BUB1: variants seen among roughly 807,000 people sequenced by gnomAD.
The protein encoded by BUB1 is BUB1 mitotic checkpoint serine/threonine kinase, also known as mitotic checkpoint serine/threonine-protein kinase BUB1.
Under a neutral mutation model 135.2 loss-of-function variants are expected in BUB1, and 84 were observed. That is an observed-to-expected ratio of 0.62 (90% CI 0.52 to 0.74). The LOEUF (loss-of-function observed/expected upper bound fraction) is 0.74, where lower values mean the gene tolerates loss of function less well. Ranked by LOEUF, BUB1 falls within the 30% of genes least tolerant of loss-of-function variation. BUB1 has a pLI of 0.00. For missense variants in BUB1, 1,162 were observed against 1,288.3 expected, an observed-to-expected ratio of 0.90 and a Z score of 1.50; for synonymous variants, 403 against 434.4, an observed-to-expected ratio of 0.93 and a Z score of 0.90.
chr2:110,646,357 G>A (rs1689647042), intron 19 of BUB1, among the ~76,000 whole-genome samples: 1 of 148,440 alleles, frequency 6.7e-6, no homozygotes, highest in Non-Finnish European at 1.5e-5. Flanking sequence ...AAAAGAAGGG[G>A]AGGGGAGGGG....
At position 110,655,886 on chromosome 2, in the gene BUB1, C is replaced by T; in HGVS notation, c.1729G>A (p.Asp577Asn). 1.2e-6 allele frequency: 2 copies of T among 1,613,342 alleles called. No individual in the cohort carries two copies. The highest frequency in any genetic ancestry group is 1.7e-6 in the Non-Finnish European group (2 of 1,179,536). The stretch of plus-strand genomic sequence containing the variant: ...CGAATACCCCATACAGTTGAGTCAT[C>T]CAAAAACTCTTCAGCATGAGGCACT... ...EEVPHAEEFL[D>N]DSTVWGIRCN... The change falls in exon 16 of 25, where the codon GAT becomes AAT. Residue 577 changes from aspartate to asparagine, a missense_variant. By Grantham distance (23) the Asp-to-Asn change is conservative. Coordinates refer to ENST00000302759, the MANE Select transcript of BUB1 (RefSeq NM_004336.5).
chr2:110,672,984 C>T, intron 3 of BUB1, 127 bp from the exon 4 acceptor site: 1 of 926,088 alleles, frequency 1.1e-6, no homozygotes, highest in South Asian at 2.2e-5. Flanking sequence ...TCAGCAAAAC[C>T]AAGGCAGGTT....
At chr2:110,655,673 T>A in intron 16 of BUB1, 66 bp downstream of exon 16, 1 of 1,377,842 alleles carries the variant, frequency 7.3e-7, no homozygotes, top group Non-Finnish European at 9.8e-7. Context: ...AGAATCAAAC[T>A]TCATGAAGAA....
At chr2:110,654,543 C>T (rs376727444) in intron 16 of BUB1, among the ~76,000 whole-genome samples, 63 of 151,992 alleles carry the variant, frequency 4.1e-4, no homozygotes, top group East Asian at 1.9e-3. Flanking sequence ...AGCCAAAGTG[C>T]CAAATACTCT....
At position 110,667,647 on chromosome 2, in the gene BUB1, A is replaced by T. The variant is rs766885569; in HGVS notation, c.679T>A (p.Ser227Thr). ...SEYSVHSSLA[S>T]KVDVEQVVMY... ...ACAACCTGCTCAACATCAACTTTGG[A>T]TGCCAAAGATGAGTGCACAGAATAT... Residue 227 changes from serine to threonine, a missense_variant, in exon 8 of 25, where the codon TCC (serine) becomes ACC (threonine). Transcript: ENST00000302759. The T allele has an allele frequency of 1.2e-6, 2 of 1,613,992 alleles. No homozygotes were observed.
At chr2:110,677,397 CA>C (rs1309389412) in intron 1 of BUB1, among the ~76,000 whole-genome samples, 3 of 152,186 alleles carry the variant, frequency 2.0e-5, no homozygotes, top group African/African-American at 7.2e-5. Context: ...TCATCTAAGT[CA>C]TAAAACAAAG....
chr2:110,661,341 A>G, intron 10 of BUB1: 2 of 485,364 alleles, frequency 4.1e-6, no homozygotes. Context: ...ACTTTCAGGT[A>G]CTGAAAATTT....
At position 110,650,620 on chromosome 2, in the gene BUB1, T is replaced by G. The variant is rs753199863; in HGVS notation, c.2129A>C (p.Asp710Ala). Residue 710 changes from aspartate to alanine, a missense_variant, in exon 18 of 25, where the codon GAT (aspartate) becomes GCT (alanine). Transcript: ENST00000302759. ...LTDTDAAIAEDPPDAIAGLQA... is the reference protein window; with the variant it reads ...LTDTDAAIAEAPPDAIAGLQA... ...GAGCCCAGCAATAGCATCTGGTGGA[T>G]CTTCTGCAATGGCAGCGTCAGTGTC... 6.2e-7 allele frequency: 1 copy of G among 1,613,966 alleles called. No individual in the cohort carries two copies. Among genetic ancestry groups the G allele is most frequent in the Non-Finnish European group, 8.5e-7 (1 of 1,179,952 alleles).
chr2:110,655,192 T>C (rs1476539669), intron 16 of BUB1, among the ~76,000 whole-genome samples: 1 of 152,212 alleles, frequency 6.6e-6, no homozygotes, highest in African/African-American at 2.4e-5. Flanking sequence ...GGACTACTTG[T>C]GAGTTTTATC....
chr2:110,648,257 T>TTAAATGCA lies in BUB1; in HGVS notation c.2347+969_2347+976dup, dbSNP rs1163234525. ...AATCATGAAATGACACAAGGGAACC[T>TTAAATGCA]TAAATGCATATTGCTAAGTAAAAGA... On this transcript the variant is annotated intron_variant, in intron 19 of 24. Coordinates refer to ENST00000302759, the MANE Select transcript of BUB1 (RefSeq NM_004336.5). The surrounding 1 kb of genome is among the most constrained non-coding windows in gnomAD (Gnocchi z 4.2). Among the ~76,000 whole-genome samples, 1 of 151,242 alleles carries TTAAATGCA rather than the reference T, an allele frequency of 6.6e-6. No homozygotes were observed.
chr2:110,640,175 G>A (rs1689465551), intron 23 of BUB1, among the ~76,000 whole-genome samples: 1 of 152,052 alleles, frequency 6.6e-6, no homozygotes, highest in African/African-American at 2.4e-5. Flanking sequence ...TCACTCCCCT[G>A]GGACTCTGGT....
intron 18 of BUB1, 41 bp from the exon 19 acceptor site, chr2:110,649,418 T>C: frequency 6.6e-7 from 1 of 1,515,140 alleles, no homozygotes; most frequent in Non-Finnish European, 8.8e-7. Flanking sequence ...GGAACATGAA[T>C]TGAGTACTCA....
chr2:110,649,304 A>C lies in BUB1; in HGVS notation c.2277T>G (p.Ser759Arg). 1 of 1,612,616 alleles carries C rather than the reference A, an allele frequency of 6.2e-7. No homozygotes were observed. The highest frequency in any genetic ancestry group is 1.7e-5 in the Admixed American group (1 of 59,912). ...GCCATTCAAAAGTATTTGGATAGGA[A>C]CTCACTGGTTTAGAAAGCCCAGATA... The part of the protein sequence containing the change: ...KLLSGLSKPV[S>R]SYPNTFEWQC... Residue 759 changes from serine (S) to arginine (R), a missense_variant, in exon 19 of 25, where the codon AGT becomes AGG. By Grantham distance (110) the Ser-to-Arg change is moderately radical (BLOSUM62 -1). Transcript: ENST00000302759.
intron 23 of BUB1, 97 bp from the exon 24 acceptor site, chr2:110,639,945 C>T: frequency 1.0e-6 from 1 of 993,228 alleles, no homozygotes; most frequent in Non-Finnish European, 1.6e-6. Flanking sequence ...TAAATACTCA[C>T]AGGATTTTAC....
chr2:110,657,639 A>G lies in BUB1; in HGVS notation c.1523T>C (p.Val508Ala). 1.9e-6 allele frequency: 3 copies of G among 1,572,782 alleles called. No homozygotes were observed. Among genetic ancestry groups the G allele is most frequent in the Non-Finnish European group, 2.6e-6 (3 of 1,159,204 alleles). Residue 508 changes from valine to alanine, a missense_variant, in exon 14 of 25, where the codon GTA becomes GCA. By Grantham distance (64) the Val-to-Ala change is moderately conservative. Coordinates refer to ENST00000302759, the MANE Select transcript of BUB1 (RefSeq NM_004336.5). ...DAFEAQFQKN[V>A]RSSGAWGVNK... ...GACTCCCCAAGCCCCAGATGACCTT[A>G]CATTTTCTGCAACAGAATAAAAAAT...
At position 110,641,376 on chromosome 2, in the gene BUB1, A is replaced by G. The variant is rs1689500604; in HGVS notation, c.2714T>C (p.Ile905Thr). ...ISFAMRMLYM[I>T]EQVHDCEIIH... Reference sequence around the variant, plus strand: ...GATTTCACAGTCATGCACTTGCTCAATCATGTAAAGCATTCTCATAGCAAA... The same window carrying G: ...GATTTCACAGTCATGCACTTGCTCAGTCATGTAAAGCATTCTCATAGCAAA... The change falls in exon 22 of 25, where the codon ATT (isoleucine) becomes ACT (threonine). Residue 905 changes from isoleucine to threonine, a missense_variant. By Grantham distance (89) the Ile-to-Thr change is moderately conservative (BLOSUM62 -1). Coordinates refer to ENST00000302759, the MANE Select transcript of BUB1 (RefSeq NM_004336.5). 1.9e-6 allele frequency: 3 copies of G among 1,613,962 alleles called. No homozygotes were observed. The highest frequency in any genetic ancestry group is 2.2e-5 in the East Asian group (1 of 44,892).
chr2:110,661,672 G>A lies in BUB1; in HGVS notation c.1127C>T (p.Pro376Leu), dbSNP rs755870313. The part of the protein sequence containing the change: ...ANAISAALVS[P>L]ATSQSIAPPV... Reference sequence around the variant, plus strand: ...AGGAGCAATGCTCTGGCTGGTGGCTGGGGACACCAAAGCTGCAGAAATAGC... The same window carrying A: ...AGGAGCAATGCTCTGGCTGGTGGCTAGGGACACCAAAGCTGCAGAAATAGC... Residue 376 changes from proline to leucine, a missense_variant, in exon 10 of 25, where the codon CCA becomes CTA. Coordinates refer to ENST00000302759, the MANE Select transcript of BUB1 (RefSeq NM_004336.5). 14 of 1,614,160 alleles carry A rather than the reference G, an allele frequency of 8.7e-6. No homozygotes were observed. Among genetic ancestry groups the A allele is most frequent in the Middle Eastern group, 1.6e-4 (1 of 6,062 alleles).
intron 23 of BUB1, among the ~76,000 whole-genome samples, chr2:110,640,223 G>A (rs1689466803): frequency 6.6e-6 from 1 of 152,046 alleles, no homozygotes; most frequent in African/African-American, 2.4e-5. Flanking sequence ...CTCTTGTTGT[G>A]TGATATGTTC....
rs1215295893 is a variant in BUB1, at chr2:110,637,984, A to C, written c.3238T>G (p.Cys1080Gly). 2 of 1,513,698 alleles carry C rather than the reference A, an allele frequency of 1.3e-6. No individual in the cohort carries two copies. Among genetic ancestry groups the C allele is most frequent in the Admixed American group, 4.5e-5 (2 of 44,894 alleles). 93.8% of individuals were successfully genotyped at this position (1,513,698 alleles called of 1,614,324 possible). Reference sequence around the variant, plus strand: ...AAATTTTATTTTCGTGAACGCTTACATTCTAAGAGCAGTACAATTAGCCTA... The same window carrying C: ...AAATTTTATTTTCGTGAACGCTTACCTTCTAAGAGCAGTACAATTAGCCTA... Reference protein sequence around the residue: ...RNRLIVLLLECKRSRK With the variant: ...RNRLIVLLLEGKRSRK The change falls in exon 25 of 25, where the codon TGT becomes GGT. Residue 1080 changes from cysteine (C) to glycine (G), a missense_variant. Physicochemically the swap from Cys to Gly is radical, Grantham distance 159. Coordinates refer to ENST00000302759, the MANE Select transcript of BUB1 (RefSeq NM_004336.5).
Sources: gnomAD v4.1 joint callset for allele counts (sites outside exome capture counted in the v4.1 genomes callset) on GRCh38, gnomAD v4.1.1 for gene constraint, Gnocchi (gnomAD v3.1) non-coding constraint, MANE v1.5 for transcripts, NCBI Gene and HGNC (gene_info 2026-07-23, HGNC 2026-07-21) for gene names.